Variants in HACD1 observed in about 807,000 individuals in gnomAD.
The protein encoded by HACD1 is very-long-chain (3R)-3-hydroxyacyl-CoA dehydratase 1.
In HACD1, 41 loss-of-function variants were observed where a neutral mutation model predicts 32.0. That is an observed-to-expected ratio of 1.28 (90% CI 1.00 to 1.66). The LOEUF is 1.66. Among genes scored for constraint, HACD1 ranks in the 40% most tolerant of loss-of-function variants. HACD1 has a pLI of 0.00. For synonymous variants in HACD1, 142 were observed against 139.0 expected, an observed-to-expected ratio of 1.02 and a Z score of -0.15; for missense variants, 396 against 380.1, an observed-to-expected ratio of 1.04 and a Z score of -0.35.
intron 1 of HACD1, 100 bp downstream of exon 1, chr10:17,616,982 AC>A: frequency 5.2e-6 from 6 of 1,145,806 alleles, no homozygotes; most frequent in South Asian, 3.2e-5. Flanking sequence ...CGCTGCCCGC[AC>A]CCCCCGCGCC....
At chr10:17,609,177 C>T (rs1252059733) in intron 1 of HACD1, among the ~76,000 whole-genome samples, 6 of 127,654 alleles carry the variant, frequency 4.7e-5, no homozygotes, top group African/African-American at 1.6e-4. Flanking sequence ...TTTTTTGAGA[C>T]AGAGTCTTGC....
At chr10:17,594,575 A>G (rs1254973746) in intron 5 of HACD1, among the ~76,000 whole-genome samples, 192 bp from the exon 6 acceptor site, 1 of 152,156 alleles carries the variant, frequency 6.6e-6, no homozygotes, top group Non-Finnish European at 1.5e-5. Context: ...TTTTCCTAAT[A>G]CCAGTTTCCA....
At chr10:17,592,754 G>C (rs775878995) in intron 6 of HACD1, among the ~76,000 whole-genome samples, 3 of 152,300 alleles carry the variant, frequency 2.0e-5, no homozygotes, top group East Asian at 3.9e-4. Flanking sequence ...GGAAAAGAGA[G>C]GGATGTGAAC....
intron 1 of HACD1, among the ~76,000 whole-genome samples, chr10:17,615,174 T>A (rs1833056441): frequency 6.6e-6 from 1 of 152,272 alleles, no homozygotes; most frequent in Admixed American, 6.5e-5. Flanking sequence ...TTTTCTCACT[T>A]TCCAAGAGTA....
At chr10:17,608,766 C>T (rs1363213480) in intron 1 of HACD1, among the ~76,000 whole-genome samples, 4 of 152,142 alleles carry the variant, frequency 2.6e-5, no homozygotes, top group East Asian at 1.9e-4. Flanking sequence ...GGGTTACAGA[C>T]GTGAGCCGCC....
chr10:17,598,653 C>G (rs190772253), intron 5 of HACD1, among the ~76,000 whole-genome samples: 155 of 152,320 alleles, frequency 1.0e-3, no homozygotes, highest in African/African-American at 3.6e-3. Context: ...TGATTTGTGA[C>G]TTGTTCTCCA....
intron 1 of HACD1, among the ~76,000 whole-genome samples, chr10:17,604,302 G>T (rs1329434612): frequency 5.3e-5 from 8 of 151,972 alleles, no homozygotes; most frequent in Non-Finnish European, 7.4e-5. Flanking sequence ...TGGCTAACAC[G>T]GTGAAACCCC....
intron 1 of HACD1, among the ~76,000 whole-genome samples, chr10:17,616,739 C>G (rs1224038725): frequency 1.3e-5 from 2 of 152,034 alleles, no homozygotes; most frequent in African/African-American, 4.8e-5. Context: ...CCGAGACCAT[C>G]GAGTGGCCAG....
chr10:17,611,569 G>A (rs1422423154), intron 1 of HACD1, among the ~76,000 whole-genome samples: 16 of 152,202 alleles, frequency 1.1e-4, no homozygotes, highest in Non-Finnish European at 2.1e-4. Flanking sequence ...AGTATTTGAA[G>A]GACAATGCAT....
chr10:17,592,208 C>G (rs185680313), intron 6 of HACD1, among the ~76,000 whole-genome samples: 2 of 151,878 alleles, frequency 1.3e-5, no homozygotes, highest in Admixed American at 6.6e-5. Flanking sequence ...TCTTGAACTC[C>G]TGACCTCAAG....
At chr10:17,601,520 G>A (rs559455625) in intron 4 of HACD1, among the ~76,000 whole-genome samples, 2 of 152,182 alleles carry the variant, frequency 1.3e-5, no homozygotes, top group Non-Finnish European at 2.9e-5. Context: ...GACGGGTCCT[G>A]TTTTATTTTT....
rs782258194 is a variant in HACD1, at chr10:17,603,971, G to A, written c.334C>T (p.Gln112Ter). The A allele has an allele frequency of 1.2e-6, 2 of 1,612,334 alleles. No homozygotes were observed. The highest frequency in any genetic ancestry group is 1.3e-5 in the African/African-American group (1 of 74,796). The change falls in exon 2 of 7, where the codon CAG becomes TAG. Residue 112 changes from glutamine (Q) to a stop codon, truncating the protein, a stop_gained. Coordinates refer to ENST00000361271, the MANE Select transcript of HACD1 (RefSeq NM_014241.4). LOFTEE classifies it high-confidence loss of function. ...GTCTGGAAAAATTTAAGTGTCTTCT[G>A]AATACTTTTATATAAACCTCTGTGT... is the stretch of plus-strand genomic sequence containing the variant. ...GTHRGLYKSIQKTLKFFQTFA... is the reference protein window; with the variant it reads ...GTHRGLYKSI
intron 1 of HACD1, among the ~76,000 whole-genome samples, chr10:17,616,138 G>T (rs1434025791): frequency 6.6e-6 from 1 of 151,646 alleles, no homozygotes; most frequent in Admixed American, 6.6e-5. Context: ...GCGTGGTGGC[G>T]GGCGCCTGTA....
At chr10:17,600,705 C>T (rs1161150623) in intron 4 of HACD1, among the ~76,000 whole-genome samples, 1 of 152,142 alleles carries the variant, frequency 6.6e-6, no homozygotes, top group Non-Finnish European at 1.5e-5. Context: ...GTCTGGCTAA[C>T]TCTTGTACAT....
chr10:17,593,603 C>T (rs1034099446), intron 6 of HACD1, among the ~76,000 whole-genome samples: 8 of 152,320 alleles, frequency 5.3e-5, no homozygotes, highest in South Asian at 2.1e-4. Flanking sequence ...GCATGAGCCA[C>T]GGAGCCCTGC....
chr10:17,596,734 C>T (rs912626069), intron 5 of HACD1, among the ~76,000 whole-genome samples: 2 of 151,808 alleles, frequency 1.3e-5, no homozygotes, highest in Non-Finnish European at 2.9e-5. Flanking sequence ...TTGAAGGTTC[C>T]CAATTACTAT....
rs368122061 is a variant in HACD1 at position 17,601,048 on chromosome 10, T to C, written c.484-1637A>G. Among the ~76,000 whole-genome samples, 14 of 151,906 alleles carry C rather than the reference T, an allele frequency of 9.2e-5. No homozygotes were observed. The East Asian group carries it at 2.7e-3, about 29-fold the overall frequency. ...GGATTGCCTTGTTCTTTTTTTTTTT[T>C]TTTGAGACAGAATCTCGCTCTGTCA... On this transcript the variant is annotated intron_variant, in intron 4 of 6. Coordinates refer to ENST00000361271, the MANE Select transcript of HACD1 (RefSeq NM_014241.4).
At chr10:17,607,120 T>A (rs1304899888) in intron 1 of HACD1, among the ~76,000 whole-genome samples, 1 of 152,206 alleles carries the variant, frequency 6.6e-6, no homozygotes, top group East Asian at 1.9e-4. Context: ...TCAAATATTT[T>A]AATTGATAGT....
chr10:17,602,768 CCTAA>C (rs1360149675), intron 4 of HACD1: 3 of 152,274 alleles, frequency 2.0e-5, no homozygotes, highest in East Asian at 1.9e-4. Context: ...CTTAATTCCT[CCTAA>C]CTAAAATTTT....
Sources: allele counts gnomAD v4.1 joint callset (sites outside exome capture counted in the v4.1 genomes callset), GRCh38; gene constraint gnomAD v4.1.1; transcripts MANE v1.5; gene names NCBI Gene and HGNC (gene_info 2026-07-23, HGNC 2026-07-21).